Variants in BRINP3 observed in about 807,000 individuals in gnomAD.
BRINP3 encodes BMP/retinoic acid-inducible neural-specific protein 3.
BRINP3 carries 19 observed loss-of-function variants against 71.0 expected under a neutral mutation model. That is an observed-to-expected ratio of 0.27 (90% CI 0.19 to 0.39). The LOEUF (loss-of-function observed/expected upper bound fraction) is 0.39. BRINP3 is among the 10% of genes least tolerant of loss of function. BRINP3 has a pLI of 1.00. For missense variants in BRINP3, 959 were observed against 940.8 expected (o/e 1.02, Z -0.25); for synonymous variants, 380 against 337.7 (o/e 1.13, Z -1.37).
chr1:190,247,328 A>AT (rs1255376926), intron 4 of BRINP3, among the ~76,000 whole-genome samples: 1 of 151,892 alleles, frequency 6.6e-6, no homozygotes, highest in African/African-American at 2.4e-5. Context: ...ACAAATATGC[A>AT]TTTTTGTTTT....
chr1:190,233,365 T>G (rs1231083673), intron 5 of BRINP3, among the ~76,000 whole-genome samples: 1 of 151,894 alleles, frequency 6.6e-6, no homozygotes, highest in African/African-American at 2.4e-5. Context: ...GATAATATTG[T>G]TTTTTAGGTC....
intron 7 of BRINP3, among the ~76,000 whole-genome samples, chr1:190,134,026 C>G (rs533860760): frequency 1.3e-5 from 2 of 151,862 alleles, no homozygotes; most frequent in Non-Finnish European, 1.5e-5. Flanking sequence ...AATACAACAG[C>G]GAAAAAGAGA....
chr1:190,192,066 T>G (rs1654082550), intron 6 of BRINP3, among the ~76,000 whole-genome samples: 1 of 152,192 alleles, frequency 6.6e-6, no homozygotes, highest in Admixed American at 6.6e-5. Flanking sequence ...AAACAACTGC[T>G]ATTGCAAACA....
chr1:190,331,150 C>T (rs1341105141), intron 2 of BRINP3, among the ~76,000 whole-genome samples: 1 of 151,996 alleles, frequency 6.6e-6, no homozygotes, highest in Non-Finnish European at 1.5e-5. Context: ...CTCACATTCT[C>T]CTCTCCTCCA....
Position 190,098,845 on chromosome 1 carries a change from G to C in BRINP3, c.1474C>G (p.Leu492Val), listed in dbSNP as rs1651430340. 6.2e-7 allele frequency: 1 copy of C among 1,614,226 alleles called. No individual in the cohort carries two copies. Among genetic ancestry groups the C allele is most frequent in the African/African-American group, 1.3e-5 (1 of 75,062 alleles). Residue 492 changes from leucine (L) to valine (V), a missense_variant, in exon 8 of 8, where the codon CTG (leucine) becomes GTG (valine). Physicochemically the swap from Leu to Val is conservative, Grantham distance 32. Coordinates refer to ENST00000367462, the MANE Select transcript of BRINP3 (RefSeq NM_199051.3). ...TDHYIGFETD[L>V]QDLEMKYLLQ... ...AGATATTTCATCTCGAGATCTTGCAGGTCAGTTTCAAAGCCAATATAGTGA... is the reference window on the plus strand; with the variant it reads ...AGATATTTCATCTCGAGATCTTGCACGTCAGTTTCAAAGCCAATATAGTGA...
At chr1:190,103,506 G>A (rs1651875894) in intron 7 of BRINP3, among the ~76,000 whole-genome samples, 1 of 152,010 alleles carries the variant, frequency 6.6e-6, no homozygotes, top group African/African-American at 2.4e-5. Flanking sequence ...GAATTTCTAG[G>A]AGTAGGATTC....
chr1:190,281,959 C>T (rs949705147), intron 2 of BRINP3, among the ~76,000 whole-genome samples: 3 of 151,172 alleles, frequency 2.0e-5, no homozygotes, highest in African/African-American at 7.3e-5. Flanking sequence ...AAATAAGCCA[C>T]CTAAAGTGTA....
rs149614485 is a variant in BRINP3, at chr1:190,371,354, T to C, written c.236+83301A>G. Among the ~76,000 whole-genome samples the C allele has an allele frequency of 6.6e-3, 1,004 of 152,304 alleles. 5 individuals carry two copies. The highest frequency in any genetic ancestry group is 0.022 in the African/African-American group (894 of 41,572). ...TCCATTTTGAGTTGATTCCCATAGA[T>C]GGTGTGATAAAAGGTTCTAATTTTA... On this transcript the variant is annotated intron_variant, in intron 2 of 7. Transcript: ENST00000367462.
intron 1 of BRINP3, among the ~76,000 whole-genome samples, chr1:190,469,482 C>A (rs1013634239): frequency 2.0e-5 from 3 of 150,868 alleles, no homozygotes; most frequent in Non-Finnish European, 4.5e-5. Context: ...GTATTTTGTG[C>A]AACTTTGCTG....
At chr1:190,129,968 T>A (rs918510511) in intron 7 of BRINP3, among the ~76,000 whole-genome samples, 1 of 152,018 alleles carries the variant, frequency 6.6e-6, no homozygotes, top group Admixed American at 6.6e-5. Flanking sequence ...TCTGAATACA[T>A]ATCTCTACGT....
At chr1:190,152,603 A>T (rs1656509858) in intron 7 of BRINP3, among the ~76,000 whole-genome samples, 1 of 148,844 alleles carries the variant, frequency 6.7e-6, no homozygotes, top group Admixed American at 6.9e-5. Flanking sequence ...CTATCTAAAA[A>T]AAGTGCCTCT....
chr1:190,152,510 A>C (rs1656487868), intron 7 of BRINP3, among the ~76,000 whole-genome samples: 1 of 149,752 alleles, frequency 6.7e-6, no homozygotes, highest in Non-Finnish European at 1.5e-5. Context: ...ATATATATAT[A>C]TCGCCACAGA....
intron 2 of BRINP3, among the ~76,000 whole-genome samples, chr1:190,398,930 C>A (rs1038370412): frequency 3.9e-5 from 6 of 151,980 alleles, no homozygotes; most frequent in African/African-American, 1.4e-4. Flanking sequence ...CCCAGTACCT[C>A]CCCTGAGATA....
chr1:190,311,817 C>T (rs1665540651), intron 2 of BRINP3, among the ~76,000 whole-genome samples: 1 of 150,302 alleles, frequency 6.7e-6, no homozygotes, highest in African/African-American at 2.4e-5. Flanking sequence ...AGAAATAAAA[C>T]AATCGTAAAG....
chr1:190,238,672 A>C (rs1417297854), intron 4 of BRINP3, among the ~76,000 whole-genome samples: 1 of 145,604 alleles, frequency 6.9e-6, no homozygotes. Flanking sequence ...TGGAATTCTC[A>C]TATGCTGCTG....
intron 2 of BRINP3, among the ~76,000 whole-genome samples, chr1:190,442,906 CTT>C (rs757648847): frequency 1.4e-4 from 14 of 101,574 alleles, no homozygotes; most frequent in African/African-American, 2.6e-4. Flanking sequence ...GTCTCTGTAT[CTT>C]TTTTTTTTTT....
intron 2 of BRINP3, among the ~76,000 whole-genome samples, chr1:190,377,903 C>A (rs1000143791): frequency 6.6e-6 from 1 of 151,926 alleles, no homozygotes; most frequent in African/African-American, 2.4e-5. Flanking sequence ...AAAGACATTC[C>A]ATATTCATTG....
At chr1:190,466,218 C>T (rs1384381562) in intron 1 of BRINP3, among the ~76,000 whole-genome samples, 2 of 151,304 alleles carry the variant, frequency 1.3e-5, no homozygotes, top group Non-Finnish European at 3.0e-5. Flanking sequence ...ATTCATACTG[C>T]TCTAAATAAT....
chr1:190,354,276 G>C (rs1668586329), intron 2 of BRINP3, among the ~76,000 whole-genome samples: 1 of 151,916 alleles, frequency 6.6e-6, no homozygotes, highest in African/African-American at 2.4e-5. Context: ...AATTATCAAA[G>C]CTGAAAATGG....
Sources: gnomAD v4.1 joint callset for allele counts (sites outside exome capture counted in the v4.1 genomes callset) on GRCh38, gnomAD v4.1.1 for gene constraint, MANE v1.5 for transcripts, NCBI Gene and HGNC (gene_info 2026-07-23, HGNC 2026-07-21) for gene names.